The following NID2 variants were observed in gnomAD, a reference collection of about 807,000 sequenced individuals.
NID2 encodes nidogen-2.
Under a neutral mutation model 145.4 loss-of-function variants are expected in NID2, and 83 were observed. That is an observed-to-expected ratio of 0.57 (90% CI 0.48 to 0.69). NID2 has a LOEUF of 0.69. Among genes scored for constraint, NID2 ranks in the 30% least tolerant of loss-of-function variants. NID2 has a pLI of 0.00. For missense variants in NID2, 1,807 were observed against 1,765.7 expected (o/e 1.02, Z -0.42); for synonymous variants, 739 against 701.3 (o/e 1.05, Z -0.85).
intron 12 of NID2, among the ~76,000 whole-genome samples, chr14:52,025,891 A>C (rs768692626): frequency 5.9e-5 from 9 of 152,238 alleles, no homozygotes; most frequent in Admixed American, 1.3e-4. Flanking sequence ...TTCAACTTTC[A>C]ATACCACCAC....
At position 52,042,763 on chromosome 14, in the gene NID2, C is replaced by T. The variant is rs967446214; in HGVS notation, c.1579+19G>A. Reference sequence around the variant, plus strand: ...CAGCAGGAATAGACACACAGGAGTTCCTGGCCCCAGTCAATTACCTTCAGG... The same window carrying T: ...CAGCAGGAATAGACACACAGGAGTTTCTGGCCCCAGTCAATTACCTTCAGG... On this transcript the variant is annotated intron_variant, in intron 6 of 21. Transcript: ENST00000216286. 1.2e-6 allele frequency: 2 copies of T among 1,613,238 alleles called. No homozygotes were observed. Among genetic ancestry groups the T allele is most frequent in the Non-Finnish European group, 1.7e-6 (2 of 1,179,438 alleles).
chr14:52,039,821 A>T lies in NID2; in HGVS notation c.2026+830T>A, dbSNP rs113374119. ...TTCCATGTGAAAGATGAGAAAATAC[A>T]TTCTCAGATATTAAGAGGCCTTTCC... On this transcript the variant is annotated intron_variant, in intron 8 of 21. Transcript: ENST00000216286. Among the ~76,000 whole-genome samples, 134 of 152,374 alleles carry T rather than the reference A, an allele frequency of 8.8e-4. 1 individual carries two copies. The highest frequency in any genetic ancestry group is 2.9e-3 in the African/African-American group (120 of 41,596).
Position 52,020,049 on chromosome 14 carries a change from T to G in NID2, c.2794+10A>C, listed in dbSNP as rs545648336. ...GATTCATGTGCCTAATCTGGCCCTC[T>G]GAAACTTACCAGGTATGCACTGAAA... On this transcript the variant is annotated intron_variant, in intron 13 of 21. Coordinates refer to ENST00000216286, the MANE Select transcript of NID2 (RefSeq NM_007361.4). The G allele has an allele frequency of 1.9e-5, 31 of 1,613,554 alleles. No homozygotes were observed. The South Asian group carries it at 3.2e-4, about 17-fold the overall frequency.
At chr14:52,056,300 A>G (rs1892843003) in intron 3 of NID2, among the ~76,000 whole-genome samples, 2 of 152,208 alleles carry the variant, frequency 1.3e-5, no homozygotes, top group Admixed American at 6.5e-5. Flanking sequence ...AATTATATAT[A>G]AATCACTATC....
At chr14:52,006,903 C>T (rs1890807459) in intron 19 of NID2, 2 of 334,060 alleles carry the variant, frequency 6.0e-6, no homozygotes, top group African/African-American at 2.1e-5. Flanking sequence ...TAAGTTTCTG[C>T]CAAAGTAGGG....
chr14:52,014,337 T>C lies in NID2; in HGVS notation c.3370A>G (p.Asn1124Asp). The change falls in exon 16 of 22, where the codon AAT becomes GAT. Residue 1124 changes from asparagine to aspartate, a missense_variant. Transcript: ENST00000216286. ...QGQQIGYLPL[N>D]GTRLQKDAAK... ...GCATCCTTCTGAAGCCTGGTGCCATTGAGGGGTAAGTAGCCAATCTGCTGG... is the reference window on the plus strand; with the variant it reads ...GCATCCTTCTGAAGCCTGGTGCCATCGAGGGGTAAGTAGCCAATCTGCTGG... 6.2e-7 allele frequency: 1 copy of C among 1,614,138 alleles called. No individual in the cohort carries two copies.
chr14:52,065,482 TTTTATTTATTTA>T (rs60264924), intron 2 of NID2, among the ~76,000 whole-genome samples: 7,972 of 132,880 alleles, frequency 0.06, 283 homozygotes, highest in South Asian at 0.13. Context: ...CCCCTTTCTT[TTTTATTTATTTA>T]TTTATTTATT....
At position 52,005,808 on chromosome 14, in the gene NID2, G is replaced by GT; in HGVS notation, c.4045dup (p.Thr1349AsnfsTer2). ...TCGTTGTTCTGGGAGATACTCATCA[G>GT]TAAACTGGCCACTATGTTTATTTAC... On this transcript the variant is annotated frameshift_variant, in exon 21 of 22. Coordinates refer to ENST00000216286, the MANE Select transcript of NID2 (RefSeq NM_007361.4). LOFTEE classifies it high-confidence loss of function. 1 of 1,613,812 alleles carries GT rather than the reference G, an allele frequency of 6.2e-7. No individual in the cohort carries two copies. Among genetic ancestry groups the GT allele is most frequent in the Non-Finnish European group, 8.5e-7 (1 of 1,179,706 alleles).
chr14:52,047,848 GCAGTCCTTCA>G (rs962943741), intron 5 of NID2, among the ~76,000 whole-genome samples: 9 of 152,270 alleles, frequency 5.9e-5, no homozygotes, highest in African/African-American at 2.2e-4. Flanking sequence ...ACAGCACCAT[GCAGTCCTTCA>G]CACGGAGAGC....
intron 9 of NID2, among the ~76,000 whole-genome samples, chr14:52,033,888 G>T (rs1240546829): frequency 6.6e-6 from 1 of 152,134 alleles, no homozygotes; most frequent in African/African-American, 2.4e-5. Context: ...GGGTAAGGGT[G>T]TGCGTACTGG....
chr14:52,017,630 A>AT (rs1381272789), intron 14 of NID2, among the ~76,000 whole-genome samples: 2 of 152,090 alleles, frequency 1.3e-5, no homozygotes, highest in Non-Finnish European at 2.9e-5. Context: ...CCTCCCAACC[A>AT]TTTGATTTCT....
rs575124645 is a variant in NID2 at position 52,039,979 on chromosome 14, C to T, written c.2026+672G>A. Among the ~76,000 whole-genome samples the T allele has an allele frequency of 3.9e-5, 6 of 152,244 alleles. No homozygotes were observed. The East Asian group carries it at 9.6e-4, about 24-fold the overall frequency. On this transcript the variant is annotated intron_variant, in intron 8 of 21. Coordinates refer to ENST00000216286, the MANE Select transcript of NID2 (RefSeq NM_007361.4). Reference sequence around the variant, plus strand: ...TTTTTGAGATGGAGTCTTGCTTTGTCGCCCAGGCTGGAGTACAATGGCACA... The same window carrying T: ...TTTTTGAGATGGAGTCTTGCTTTGTTGCCCAGGCTGGAGTACAATGGCACA...
At chr14:52,050,869 T>G (rs1291796219) in intron 5 of NID2, among the ~76,000 whole-genome samples, 2 of 152,216 alleles carry the variant, frequency 1.3e-5, no homozygotes, top group Non-Finnish European at 2.9e-5. Flanking sequence ...ACTGTGATAA[T>G]GCAATCTAAT....
intron 19 of NID2, 95 bp from the exon 20 acceptor site, chr14:52,006,755 T>C: frequency 1.5e-6 from 2 of 1,339,756 alleles, no homozygotes; most frequent in South Asian, 1.3e-5. Context: ...AATGGGGAAA[T>C]AGGATATTTT....
At chr14:52,054,560 T>C (rs1017258450) in intron 3 of NID2, among the ~76,000 whole-genome samples, 1 of 152,126 alleles carries the variant, frequency 6.6e-6, no homozygotes, top group Non-Finnish European at 1.5e-5. Flanking sequence ...CTAAAAAACT[T>C]AGCCAGGCAT....
rs117206856 is a variant in NID2, at chr14:52,011,602, G to A, written c.3502C>T (p.Arg1168Cys). ...WTDVAGRTIS[R>C]AGLELGAEPE... Reference sequence around the variant, plus strand: ...TCTGCTCCCAGTTCCAGACCAGCACGGCTGATTGTCCGTCCAGCAACATCT... The same window carrying A: ...TCTGCTCCCAGTTCCAGACCAGCACAGCTGATTGTCCGTCCAGCAACATCT... Residue 1168 changes from arginine to cysteine, a missense_variant, in exon 17 of 22, where the codon CGT (arginine) becomes TGT (cysteine). Transcript: ENST00000216286. The A allele has an allele frequency of 7.1e-5, 115 of 1,614,150 alleles. 1 individual carries two copies. Among genetic ancestry groups the A allele is most frequent in the Middle Eastern group, 3.3e-4 (2 of 6,060 alleles).
At chr14:52,011,497 A>C in intron 17 of NID2, 57 bp downstream of exon 17, 2 of 1,609,630 alleles carry the variant, frequency 1.2e-6, no homozygotes, top group Non-Finnish European at 1.7e-6. Flanking sequence ...GGCGTAAAGT[A>C]GACAAGTGAC....
At chr14:52,025,017 G>A (rs1165879784) in intron 12 of NID2, among the ~76,000 whole-genome samples, 2 of 152,198 alleles carry the variant, frequency 1.3e-5, no homozygotes, top group African/African-American at 4.8e-5. Context: ...TTAAACCAGA[G>A]AGCTAAGGAA....
At chr14:52,028,274 T>G (rs1322549785) in intron 11 of NID2, among the ~76,000 whole-genome samples, 1 of 27,428 alleles carries the variant, frequency 3.6e-5, no homozygotes, top group African/African-American at 8.3e-5. Flanking sequence ...GATTTTGTTG[T>G]TTTTTTTTTT....
Sources: allele counts gnomAD v4.1 joint callset (sites outside exome capture counted in the v4.1 genomes callset), GRCh38; gene constraint gnomAD v4.1.1; transcripts MANE v1.5; gene names NCBI Gene and HGNC (gene_info 2026-07-23, HGNC 2026-07-21).